Variants in AGBL2 observed in about 807,000 individuals in gnomAD.
AGBL2 encodes the protein cytosolic carboxypeptidase 2.
In AGBL2, 87 loss-of-function variants were observed where a neutral mutation model predicts 103.0. That is an observed-to-expected ratio of 0.84 (90% CI 0.71 to 1.01). AGBL2 has a LOEUF of 1.01. Ranked by LOEUF, AGBL2 falls within the 50% of genes least tolerant of loss-of-function variation. The pLI is 0.00. For missense variants in AGBL2, 904 were observed against 1,023.5 expected, an observed-to-expected ratio of 0.88 and a Z score of 1.59; for synonymous variants, 335 against 356.7, an observed-to-expected ratio of 0.94 and a Z score of 0.69.
At chr11:47,696,037 G>GAAAAAAAAGA (rs2097471094) in intron 8 of AGBL2, among the ~76,000 whole-genome samples, 1 of 88,906 alleles carries the variant, frequency 1.1e-5, no homozygotes, top group African/African-American at 4.6e-5. Flanking sequence ...AAAAAAAAAA[G>GAAAAAAAAGA]AAAAAAAAAA....
chr11:47,669,272 T>C (rs1190573517), intron 14 of AGBL2, among the ~76,000 whole-genome samples: 1 of 152,206 alleles, frequency 6.6e-6, no homozygotes, highest in Non-Finnish European at 1.5e-5. Context: ...CCCACTATGT[T>C]GCCTGGGCTA....
intron 14 of AGBL2, among the ~76,000 whole-genome samples, chr11:47,671,253 G>A (rs2097356537): frequency 6.6e-6 from 1 of 151,694 alleles, no homozygotes; most frequent in African/African-American, 2.4e-5. Flanking sequence ...GGTGGCTCAT[G>A]CCTGTAATCC....
chr11:47,699,916 G>A (rs2097491487), intron 7 of AGBL2, among the ~76,000 whole-genome samples: 1 of 151,974 alleles, frequency 6.6e-6, no homozygotes, highest in Non-Finnish European at 1.5e-5. Context: ...TACCATAGAG[G>A]ACTAGGTCTA....
At position 47,660,068 on chromosome 11, in the gene AGBL2, T is replaced by G. The variant is rs2097324176; in HGVS notation, c.*105A>C. ...CAGTGCATGAGTGCACAACACAGTA[T>G]ACCACAAGTAAATGCAGTTCCCAGT... On this transcript the variant is annotated 3_prime_UTR_variant, in exon 19 of 19. Transcript: ENST00000525123. 2.3e-6 allele frequency: 3 copies of G among 1,281,214 alleles called. No homozygotes were observed. The allele number at this position is 1,281,214 out of a possible 1,614,324, so 79.4% of individuals were successfully genotyped here.
At chr11:47,677,226 A>T (rs1464984082) in intron 14 of AGBL2, 45 bp downstream of exon 14, 7 of 1,462,628 alleles carry the variant, frequency 4.8e-6, no homozygotes, top group Non-Finnish European at 6.4e-6. Context: ...CAGGTTAACA[A>T]CAAAGTATTT....
In AGBL2 at chr11:47,660,237, G is replaced by T; in HGVS notation, c.2645C>A (p.Ala882Asp). ...CATGGCAGCACAGCCTCTCTTTGTG[G>T]CAGGATATCTGCTCCTAGGCCAGTT... The part of the protein sequence containing the change: ...KPNWPRSRYP[A>D]TKRGCAAMAA... The change falls in exon 19 of 19, where the codon GCC becomes GAC. Residue 882 changes from alanine (A) to aspartate (D), a missense_variant. By Grantham distance (126) the Ala-to-Asp change is moderately radical (BLOSUM62 -2). Coordinates refer to ENST00000525123, the MANE Select transcript of AGBL2 (RefSeq NM_024783.4). 6.2e-7 allele frequency: 1 copy of T among 1,614,210 alleles called. No individual in the cohort carries two copies. Among genetic ancestry groups the T allele is most frequent in the Non-Finnish European group, 8.5e-7 (1 of 1,180,040 alleles).
intron 17 of AGBL2, 46 bp downstream of exon 17, chr11:47,666,910 A>G: frequency 8.2e-7 from 1 of 1,216,098 alleles, no homozygotes; most frequent in East Asian, 2.4e-5. Context: ...CTAATTCGAG[A>G]GGTTAGAGAA....
chr11:47,689,615 A>G (rs1198695815), intron 10 of AGBL2, among the ~76,000 whole-genome samples: 2 of 152,038 alleles, frequency 1.3e-5, no homozygotes, highest in African/African-American at 4.8e-5. Context: ...TAGGTTCTCA[A>G]TTTCTGTATC....
intron 4 of AGBL2, among the ~76,000 whole-genome samples, chr11:47,706,545 A>G (rs2097520466): frequency 6.6e-6 from 1 of 151,994 alleles, no homozygotes; most frequent in Admixed American, 6.6e-5. Context: ...ATAAAAATAA[A>G]TAATTGTGGA....
At position 47,673,219 on chromosome 11, in the gene AGBL2, G is replaced by T. The variant is rs112580077; in HGVS notation, c.2147+4052C>A. ...CAACAGATATTGGCTGGGCATGGTGGCTCATGCTTGTCATCCCAGCACCTT... is the reference window on the plus strand; with the variant it reads ...CAACAGATATTGGCTGGGCATGGTGTCTCATGCTTGTCATCCCAGCACCTT... On this transcript the variant is annotated intron_variant, in intron 14 of 18. Coordinates refer to ENST00000525123, the MANE Select transcript of AGBL2 (RefSeq NM_024783.4). 9.8e-5 allele frequency among the ~76,000 whole-genome samples: 15 copies of T among 152,302 alleles called. 3 individuals carry two copies. The highest frequency in any genetic ancestry group is 3.4e-4 in the African/African-American group (14 of 41,566).
chr11:47,690,441 G>A lies in AGBL2; in HGVS notation c.1266C>T (p.Leu422=). 2 of 1,614,150 alleles carry A rather than the reference G, an allele frequency of 1.2e-6. No homozygotes were observed. The highest frequency in any genetic ancestry group is 1.7e-6 in the Non-Finnish European group (2 of 1,180,024). Residue 422 remains leucine (L), a synonymous_variant, in exon 10 of 19, where the codon CTC becomes CTT. Coordinates refer to ENST00000525123, the MANE Select transcript of AGBL2 (RefSeq NM_024783.4). The part of the protein sequence containing the change: ...NNPIQSQFCK[L]QTLCRSLAGN... ...CTGCTAGGCTCCTGCATAAAGTTTG[G>A]AGCTTGCAGAACTGAGACTGGATAG...
intron 8 of AGBL2, among the ~76,000 whole-genome samples, chr11:47,697,244 T>C (rs1338343651): frequency 3.9e-5 from 6 of 151,902 alleles, no homozygotes; most frequent in Non-Finnish European, 8.8e-5. Context: ...ATGATGATGA[T>C]GATGATTTTT....
intron 3 of AGBL2, among the ~76,000 whole-genome samples, chr11:47,713,062 G>A (rs2135041914): frequency 6.7e-6 from 1 of 150,112 alleles, no homozygotes; most frequent in Non-Finnish European, 1.5e-5. Flanking sequence ...AAAAACACTG[G>A]GCGCGGTAAG....
intron 14 of AGBL2, among the ~76,000 whole-genome samples, chr11:47,673,579 C>T (rs1387654868): frequency 1.3e-5 from 2 of 150,608 alleles, no homozygotes; most frequent in Non-Finnish European, 1.5e-5. Context: ...GAGCCGAGAT[C>T]GTGCCGTTGC....
At chr11:47,675,375 GTTTTTTTTTTTT>G (rs34044161) in intron 14 of AGBL2, among the ~76,000 whole-genome samples, 5 of 55,100 alleles carry the variant, frequency 9.1e-5, no homozygotes, top group African/African-American at 3.7e-4. Flanking sequence ...CCCCTGCTAA[GTTTTTTTTTTTT>G]TTTTTTTTTT....
intron 18 of AGBL2, among the ~76,000 whole-genome samples, chr11:47,661,842 G>A (rs947973091): frequency 3.3e-5 from 5 of 151,322 alleles, no homozygotes; most frequent in African/African-American, 9.7e-5. Context: ...CTCCACCTCC[G>A]GGTTCAAGTG....
intron 17 of AGBL2, 198 bp downstream of exon 17, chr11:47,666,758 T>C: frequency 1.6e-6 from 1 of 623,566 alleles, no homozygotes; most frequent in Non-Finnish European, 2.8e-6. Context: ...TCACCAATAT[T>C]TGATTCCAGA....
intron 7 of AGBL2, among the ~76,000 whole-genome samples, chr11:47,701,251 A>G (rs561537230): frequency 6.6e-6 from 1 of 151,702 alleles, no homozygotes; most frequent in South Asian, 2.1e-4. Flanking sequence ...CGGGCGGATC[A>G]TGAGGTCAGG....
intron 10 of AGBL2, among the ~76,000 whole-genome samples, chr11:47,686,537 A>G (rs2097424582): frequency 7.4e-6 from 1 of 135,900 alleles, no homozygotes; most frequent in African/African-American, 2.8e-5. Flanking sequence ...TATAATCCCT[A>G]GTGTTGGAGG....
Sources: gnomAD v4.1 joint callset for allele counts (sites outside exome capture counted in the v4.1 genomes callset) on GRCh38, gnomAD v4.1.1 for gene constraint, MANE v1.5 for transcripts, NCBI Gene and HGNC (gene_info 2026-07-23, HGNC 2026-07-21) for gene names.